Variants in NRG4 observed in about 807,000 individuals in gnomAD.
NRG4 encodes pro-neuregulin-4, membrane-bound isoform.
In NRG4, 10 loss-of-function variants were observed where a neutral mutation model predicts 15.0. The observed-to-expected ratio is 0.67, with a 90% CI of 0.41 to 1.13. The LOEUF (loss-of-function observed/expected upper bound fraction) is 1.13, where lower values mean the gene tolerates loss of function less well. Ranked by LOEUF, NRG4 falls within the 50% of genes most tolerant of loss-of-function variation. The pLI, the probability that NRG4 is intolerant of heterozygous loss-of-function variation, is 0.00. For missense variants in NRG4, 139 were observed against 140.2 expected (o/e 0.99, Z 0.04); for synonymous variants, 41 against 50.1 (o/e 0.82, Z 0.77).
At chr15:75,962,592 T>C (rs745727300) in intron 3 of NRG4, among the ~76,000 whole-genome samples, 17 of 152,322 alleles carry the variant, frequency 1.1e-4, no homozygotes, top group South Asian at 4.1e-4. Context: ...CTATAGAATT[T>C]TAAAAATATT....
chr15:75,967,734 T>C (rs1375412003), intron 3 of NRG4, among the ~76,000 whole-genome samples: 4 of 152,146 alleles, frequency 2.6e-5, no homozygotes, highest in Non-Finnish European at 1.5e-5. Context: ...AGTGCTGGGA[T>C]TACAGGTGTG....
intron 4 of NRG4, among the ~76,000 whole-genome samples, chr15:75,960,715 A>T (rs2032474751): frequency 6.6e-6 from 1 of 151,774 alleles, no homozygotes; most frequent in South Asian, 2.1e-4. Context: ...GTAGCAATAA[A>T]CTCTACCTCT....
At chr15:76,001,353 T>A (rs1004442762) in intron 3 of NRG4, among the ~76,000 whole-genome samples, 2 of 152,192 alleles carry the variant, frequency 1.3e-5, no homozygotes, top group Non-Finnish European at 2.9e-5. Flanking sequence ...TTTGTAGTAA[T>A]ATATTTTCAC....
intron 3 of NRG4, among the ~76,000 whole-genome samples, chr15:76,006,661 A>G (rs1169758430): frequency 3.9e-5 from 6 of 152,220 alleles, no homozygotes; most frequent in Admixed American, 3.9e-4. Flanking sequence ...GCATGGTTTC[A>G]GCTACTCCCA....
chr15:75,966,225 A>G (rs989300719), intron 3 of NRG4, among the ~76,000 whole-genome samples: 1 of 152,232 alleles, frequency 6.6e-6, no homozygotes, highest in African/African-American at 2.4e-5. Flanking sequence ...GACCTTTCAC[A>G]TGAATAAAAT....
chr15:76,048,102 G>A (rs2035915123), intron 4 of NRG4, among the ~76,000 whole-genome samples: 1 of 149,092 alleles, frequency 6.7e-6, no homozygotes, highest in African/African-American at 2.5e-5. Context: ...AGGCTGTGGT[G>A]AGCTATGATC....
At chr15:75,965,069 C>CA (rs896277293) in intron 3 of NRG4, among the ~76,000 whole-genome samples, 2 of 151,800 alleles carry the variant, frequency 1.3e-5, no homozygotes, top group African/African-American at 2.4e-5. Flanking sequence ...ACTAAAAATA[C>CA]AAAAAAATTA....
At chr15:76,009,537 T>C (rs1231826428) in intron 2 of NRG4, among the ~76,000 whole-genome samples, 3 of 152,164 alleles carry the variant, frequency 2.0e-5, no homozygotes, top group African/African-American at 7.2e-5. Context: ...AGACATTATA[T>C]AACAGAAATA....
intron 4 of NRG4, among the ~76,000 whole-genome samples, chr15:76,046,412 G>C (rs1029408015): frequency 4.6e-5 from 7 of 151,100 alleles, no homozygotes; most frequent in Non-Finnish European, 8.8e-5. Context: ...TGAGCAAAAA[G>C]AACAAAGCTG....
chr15:75,936,222 C>A (rs997957282), downstream of NRG4: 3 of 152,178 alleles, frequency 2.0e-5, no homozygotes, highest in East Asian at 5.8e-4. Context: ...GACTCCAGAT[C>A]CTCTTGATGG....
At chr15:76,001,715 G>T (rs2034423151) in intron 3 of NRG4, among the ~76,000 whole-genome samples, 1 of 152,176 alleles carries the variant, frequency 6.6e-6, no homozygotes, top group South Asian at 2.1e-4. Flanking sequence ...TTAGATAAGG[G>T]CTTACTGCTT....
intron 4 of NRG4, among the ~76,000 whole-genome samples, chr15:76,047,928 G>A (rs1441071321): frequency 2.0e-5 from 3 of 150,784 alleles, no homozygotes; most frequent in African/African-American, 7.4e-5. Context: ...GGCTGAGGTG[G>A]GAGGATCACC....
At chr15:75,960,679 G>C (rs762917711) in intron 4 of NRG4, among the ~76,000 whole-genome samples, 1 of 152,078 alleles carries the variant, frequency 6.6e-6, no homozygotes, top group Non-Finnish European at 1.5e-5. Context: ...AGGCAGTCAC[G>C]GTGCCTGCCT....
intron 2 of NRG4, among the ~76,000 whole-genome samples, chr15:76,055,562 G>A (rs972551588): frequency 6.6e-6 from 1 of 152,112 alleles, no homozygotes; most frequent in South Asian, 2.1e-4. Context: ...AGTTTACTTG[G>A]AAATATATAC....
At chr15:76,014,130 A>G (rs1027496503), upstream of NRG4, among the ~76,000 whole-genome samples, 1 of 152,184 alleles carries the variant, frequency 6.6e-6, no homozygotes, top group Non-Finnish European at 1.5e-5. Flanking sequence ...TGTTGGCCAC[A>G]TAAATGTCTT....
At chr15:75,936,857 G>A (rs2030393247), downstream of NRG4, 1 of 152,176 alleles carries the variant, frequency 6.6e-6, no homozygotes, top group South Asian at 2.1e-4. Context: ...ACAGGCGTGA[G>A]CCACCGTGCC....
chr15:76,056,572 C>A (rs2036157698), intron 2 of NRG4, among the ~76,000 whole-genome samples: 1 of 152,134 alleles, frequency 6.6e-6, no homozygotes, highest in Non-Finnish European at 1.5e-5. Context: ...ACATATATTC[C>A]ATTTTTCAGG....
intron 3 of NRG4, among the ~76,000 whole-genome samples, chr15:76,000,859 T>C (rs1380760994): frequency 2.0e-5 from 3 of 152,114 alleles, no homozygotes; most frequent in Non-Finnish European, 2.9e-5. Context: ...TAAAAACGAA[T>C]TGGGAAGCCA....
chr15:76,056,563 C>T (rs1464868553), intron 2 of NRG4, among the ~76,000 whole-genome samples: 1 of 152,132 alleles, frequency 6.6e-6, no homozygotes, highest in African/African-American at 2.4e-5. Context: ...CACAAAGTCA[C>T]ATATATTCCA....
Sources: gnomAD v4.1 joint callset for allele counts (sites outside exome capture counted in the v4.1 genomes callset) on GRCh38, gnomAD v4.1.1 for gene constraint, MANE v1.5 for transcripts, NCBI Gene and HGNC (gene_info 2026-07-23, HGNC 2026-07-21) for gene names.